The following VAT1L variants were observed in gnomAD, a reference collection of about 807,000 sequenced individuals.
The protein encoded by VAT1L is vesicle amine transport 1 like.
Under a neutral mutation model 44.1 loss-of-function variants are expected in VAT1L, and 34 were observed. That is an observed-to-expected ratio of 0.77 (90% confidence interval 0.59 to 1.03). The LOEUF (loss-of-function observed/expected upper bound fraction) is 1.03. VAT1L is among the 50% of genes least tolerant of loss of function. The pLI is 0.00. For missense variants in VAT1L, 615 were observed against 538.8 expected (o/e 1.14, Z -1.40); for synonymous variants, 253 against 202.2 (o/e 1.25, Z -2.13).
At chr16:77,906,145 G>C (rs553102187) in intron 7 of VAT1L, among the ~76,000 whole-genome samples, 1 of 152,302 alleles carries the variant, frequency 6.6e-6, no homozygotes, top group South Asian at 2.1e-4. Flanking sequence ...TCATCAAAAA[G>C]TTTGTCACTT....
chr16:77,860,406 TG>T (rs1261890797), intron 3 of VAT1L, among the ~76,000 whole-genome samples: 2 of 152,184 alleles, frequency 1.3e-5, no homozygotes, highest in Non-Finnish European at 2.9e-5. Context: ...GTGGGCAGCT[TG>T]GGACCGGAGA....
intron 7 of VAT1L, among the ~76,000 whole-genome samples, chr16:77,901,185 A>T (rs537853586): frequency 0.015 from 1,408 of 95,148 alleles, 10 homozygotes; most frequent in Non-Finnish European, 0.019. Flanking sequence ...TTTTTTTTTA[A>T]GACAGTCTTG....
intron 7 of VAT1L, among the ~76,000 whole-genome samples, chr16:77,926,913 G>C (rs2017675665): frequency 6.6e-6 from 1 of 152,094 alleles, no homozygotes; most frequent in African/African-American, 2.4e-5. Context: ...TACCCCTGAA[G>C]TTAGAAATCC....
chr16:77,872,767 G>C (rs1222686178), intron 4 of VAT1L, among the ~76,000 whole-genome samples: 2 of 152,216 alleles, frequency 1.3e-5, no homozygotes, highest in Non-Finnish European at 2.9e-5. Context: ...TTCATTTATA[G>C]ATGTCTGTCC....
chr16:77,929,289 C>T (rs916897236), intron 7 of VAT1L, among the ~76,000 whole-genome samples: 2 of 152,252 alleles, frequency 1.3e-5, no homozygotes, highest in South Asian at 4.1e-4. Context: ...TACTCTCTTC[C>T]AGGCAGGGAT....
chr16:77,838,578 G>GC (rs1555513658), intron 3 of VAT1L, among the ~76,000 whole-genome samples: 1 of 151,986 alleles, frequency 6.6e-6, no homozygotes, highest in Non-Finnish European at 1.5e-5. Flanking sequence ...AGCACTCCCT[G>GC]CCCCTCACAC....
Position 77,977,540 on chromosome 16 carries a change from C to G in VAT1L, c.1162-57C>G, listed in dbSNP as rs548170554. 29 of 1,568,272 alleles carry G rather than the reference C, an allele frequency of 1.8e-5. No individual in the cohort carries two copies. In the African/African-American group the frequency reaches 2.7e-4, roughly 15 times the overall value. On this transcript the variant is annotated intron_variant, in intron 8 of 8. Transcript: ENST00000302536. The stretch of plus-strand genomic sequence containing the variant: ...CTCCCATAGGACTCTGTCAGATGCT[C>G]AGAGATGACGAGGCTGGGTTGCACA...
At chr16:77,802,281 A>T (rs2016071230) in intron 1 of VAT1L, among the ~76,000 whole-genome samples, 1 of 152,124 alleles carries the variant, frequency 6.6e-6, no homozygotes, top group Non-Finnish European at 1.5e-5. Flanking sequence ...CCAGCTTCCA[A>T]AATAATTGAA....
intron 3 of VAT1L, among the ~76,000 whole-genome samples, chr16:77,849,418 A>C (rs1349237163): frequency 6.6e-6 from 1 of 152,198 alleles, no homozygotes; most frequent in Admixed American, 6.5e-5. Flanking sequence ...CAAATTCTAC[A>C]TGCCTGGCTG....
chr16:77,921,394 G>A (rs143354624), intron 7 of VAT1L, among the ~76,000 whole-genome samples: 20 of 152,260 alleles, frequency 1.3e-4, no homozygotes, highest in Non-Finnish European at 2.2e-4. Flanking sequence ...CTTTATCCAT[G>A]GAAGTGACTC....
At chr16:77,847,094 C>G (rs529184402) in intron 3 of VAT1L, among the ~76,000 whole-genome samples, 4 of 152,092 alleles carry the variant, frequency 2.6e-5, no homozygotes, top group Non-Finnish European at 5.9e-5. Context: ...CTGCAAAATG[C>G]AGCATTTCAT....
chr16:77,957,275 C>T (rs1346985172), intron 7 of VAT1L, among the ~76,000 whole-genome samples: 2 of 152,098 alleles, frequency 1.3e-5, no homozygotes, highest in African/African-American at 4.8e-5. Flanking sequence ...TATGGAATGA[C>T]ATAGCTACCA....
chr16:77,925,533 A>G (rs948507661), intron 7 of VAT1L, among the ~76,000 whole-genome samples: 1 of 152,210 alleles, frequency 6.6e-6, no homozygotes, highest in Non-Finnish European at 1.5e-5. Flanking sequence ...CCCAGAGTCA[A>G]TATAAGAACA....
chr16:77,853,720 T>C (rs943150530), intron 3 of VAT1L, among the ~76,000 whole-genome samples: 1 of 152,110 alleles, frequency 6.6e-6, no homozygotes, highest in African/African-American at 2.4e-5. Context: ...CCCCAGGTGA[T>C]GTTGAGGCTG....
chr16:77,954,423 G>C (rs376981015), intron 7 of VAT1L, among the ~76,000 whole-genome samples: 1 of 152,118 alleles, frequency 6.6e-6, no homozygotes, highest in Non-Finnish European at 1.5e-5. Flanking sequence ...TCAGGAGTTC[G>C]AGACCAGCCT....
chr16:77,969,088 G>A (rs1204078957), intron 7 of VAT1L, among the ~76,000 whole-genome samples: 1 of 152,126 alleles, frequency 6.6e-6, no homozygotes, highest in Admixed American at 6.5e-5. Context: ...CAAAGTGCTG[G>A]GATTACAAGC....
At position 77,828,129 on chromosome 16, in the gene VAT1L, ATGTGAACAC is replaced by A. The variant is rs1157638359; in HGVS notation, c.579+2670_579+2678del. On this transcript the variant is annotated intron_variant, in intron 3 of 8. Coordinates refer to ENST00000302536, the MANE Select transcript of VAT1L (RefSeq NM_020927.3). ...TTTTTGGCAAAGTGCAGATCCACAT[ATGTGAACAC>A]TCCGCTGAGCCGGGATGGGTGGGGC... 2.0e-5 allele frequency among the ~76,000 whole-genome samples: 3 copies of A among 152,158 alleles called. No homozygotes were observed. The East Asian group carries it at 5.8e-4, about 29-fold the overall frequency.
At chr16:77,850,150 T>C (rs2016794169) in intron 3 of VAT1L, among the ~76,000 whole-genome samples, 1 of 152,132 alleles carries the variant, frequency 6.6e-6, no homozygotes, top group Non-Finnish European at 1.5e-5. Context: ...TGCATGCTGG[T>C]GTACAAATCC....
At chr16:77,893,190 G>A (rs1168863266) in intron 7 of VAT1L, among the ~76,000 whole-genome samples, 3 of 152,186 alleles carry the variant, frequency 2.0e-5, no homozygotes, top group African/African-American at 7.2e-5. Context: ...GGTTTGGAGG[G>A]TGAACTGGTG....
Sources: allele counts gnomAD v4.1 joint callset (sites outside exome capture counted in the v4.1 genomes callset), GRCh38; gene constraint gnomAD v4.1.1; transcripts MANE v1.5; gene names NCBI Gene and HGNC (gene_info 2026-07-23, HGNC 2026-07-21).